The following GABBR2 variants were observed in gnomAD, a reference collection of about 807,000 sequenced individuals.
GABBR2 encodes gamma-aminobutyric acid type B receptor subunit 2.
In GABBR2, 23 loss-of-function variants were observed where a neutral mutation model predicts 105.6. The observed-to-expected ratio is 0.22, with a 90% CI of 0.16 to 0.31. The LOEUF (loss-of-function observed/expected upper bound fraction) is 0.31. GABBR2 is among the 10% of genes least tolerant of loss of function. The pLI, the probability that GABBR2 is intolerant of heterozygous loss-of-function variation, is 1.00. For synonymous variants in GABBR2, 478 were observed against 499.7 expected (o/e 0.96, Z 0.58); for missense variants, 734 against 1,245.5 (o/e 0.59, Z 6.18).
At chr9:98,509,646 G>A (rs895371433) in intron 3 of GABBR2, among the ~76,000 whole-genome samples, 4 of 152,152 alleles carry the variant, frequency 2.6e-5, no homozygotes, top group Admixed American at 6.5e-5. Flanking sequence ...TAGCCAATGC[G>A]ATCAACTGGA....
chr9:98,394,157 G>T lies in GABBR2; in HGVS notation c.1378+18C>A, dbSNP rs910829953. 11 of 1,593,742 alleles carry T rather than the reference G, an allele frequency of 6.9e-6. No homozygotes were observed. The Admixed American group carries it at 1.8e-4, about 27-fold the overall frequency. On this transcript the variant is annotated intron_variant, in intron 9 of 18. Coordinates refer to ENST00000259455, the MANE Select transcript of GABBR2 (RefSeq NM_005458.8). ...CAACTGGGCAGGCCCCCTCCTCTGA[G>T]AAGCCCACCTGCCTTACCTTGGAAC...
At chr9:98,677,410 T>C (rs1239642783) in intron 1 of GABBR2, among the ~76,000 whole-genome samples, 1 of 152,226 alleles carries the variant, frequency 6.6e-6, no homozygotes, top group Non-Finnish European at 1.5e-5. Context: ...TACAACATCT[T>C]ATAGGCATTC....
At chr9:98,613,404 C>T (rs1449739427) in intron 1 of GABBR2, among the ~76,000 whole-genome samples, 1 of 150,876 alleles carries the variant, frequency 6.6e-6, no homozygotes, top group Non-Finnish European at 1.5e-5. Context: ...TGTACCACTG[C>T]ACTCCAGCCT....
At chr9:98,357,454 T>A (rs1474114549) in intron 13 of GABBR2, among the ~76,000 whole-genome samples, 1 of 152,074 alleles carries the variant, frequency 6.6e-6, no homozygotes, top group Non-Finnish European at 1.5e-5. Context: ...TGGAGACCAG[T>A]CTAGACAACA....
At chr9:98,467,115 G>A (rs181961292) in intron 6 of GABBR2, among the ~76,000 whole-genome samples, 7 of 152,244 alleles carry the variant, frequency 4.6e-5, no homozygotes, top group African/African-American at 1.7e-4. Context: ...TTGCAATCCC[G>A]GCCATATCTA....
intron 7 of GABBR2, among the ~76,000 whole-genome samples, chr9:98,428,932 A>G (rs997421083): frequency 6.6e-6 from 1 of 152,180 alleles, no homozygotes; most frequent in Non-Finnish European, 1.5e-5. Context: ...TATCACTTGC[A>G]CCAAAAGAGT....
chr9:98,406,455 G>A (rs1027447738), intron 7 of GABBR2, among the ~76,000 whole-genome samples: 7 of 152,240 alleles, frequency 4.6e-5, no homozygotes, highest in African/African-American at 1.4e-4. Context: ...TAATGGGGAC[G>A]ACGTCTTCTG....
chr9:98,539,913 T>TAAAAAA (rs746934812), intron 3 of GABBR2, among the ~76,000 whole-genome samples: 5 of 103,654 alleles, frequency 4.8e-5, no homozygotes, highest in Admixed American at 1.0e-4. Flanking sequence ...AGACTTCGTC[T>TAAAAAA]AAAAAAAAAA....
At chr9:98,436,336 A>C (rs1825908994) in intron 7 of GABBR2, among the ~76,000 whole-genome samples, 58 of 67,050 alleles carry the variant, frequency 8.7e-4, no homozygotes, top group Non-Finnish European at 1.1e-3. Context: ...ATATATACAC[A>C]CACACACACA....
intron 18 of GABBR2, 61 bp from the exon 19 acceptor site, chr9:98,290,810 C>T (rs1361815986): frequency 8.0e-7 from 1 of 1,251,404 alleles, no homozygotes; most frequent in Non-Finnish European, 1.1e-6. Flanking sequence ...CCAGAAAGTT[C>T]CTTGGACTTG....
intron 13 of GABBR2, among the ~76,000 whole-genome samples, chr9:98,335,158 T>G (rs1245208795): frequency 6.6e-6 from 1 of 152,128 alleles, no homozygotes; most frequent in African/African-American, 2.4e-5. Flanking sequence ...CTCTCTCTCT[T>G]CCACTGGAGA....
chr9:98,327,761 C>T (rs1186757243), intron 13 of GABBR2, among the ~76,000 whole-genome samples: 3 of 151,334 alleles, frequency 2.0e-5, no homozygotes, highest in South Asian at 2.1e-4. Flanking sequence ...CCCAGCTACT[C>T]GGGAGGCTAA....
chr9:98,702,215 G>A (rs368420652), intron 1 of GABBR2, among the ~76,000 whole-genome samples: 1 of 152,122 alleles, frequency 6.6e-6, no homozygotes, highest in East Asian at 1.9e-4. Context: ...ACCCCTGCAG[G>A]GACCCTCTCT....
In GABBR2 at chr9:98,610,428, G is replaced by T. The variant is rs191230814; in HGVS notation, c.322-32356C>A. 1.6e-3 allele frequency among the ~76,000 whole-genome samples: 239 copies of T among 152,316 alleles called. 5 individuals carry two copies. Among genetic ancestry groups the T allele is most frequent in the South Asian group, 0.015 (71 of 4,816 alleles). ...GCAGCCTGCAAAAATATGCATCCAT[G>T]CCCTAACTCCTGGAACTGTGAATGC... On this transcript the variant is annotated intron_variant, in intron 1 of 18. Transcript: ENST00000259455.
chr9:98,406,904 C>T (rs930906589), intron 7 of GABBR2, among the ~76,000 whole-genome samples: 5 of 152,230 alleles, frequency 3.3e-5, no homozygotes, highest in South Asian at 2.1e-4. Flanking sequence ...TGCAGCCATA[C>T]GAGGAAATTG....
At chr9:98,479,756 GC>G (rs1826873448) in intron 5 of GABBR2, among the ~76,000 whole-genome samples, 3 of 152,276 alleles carry the variant, frequency 2.0e-5, no homozygotes, top group Admixed American at 2.0e-4. Flanking sequence ...GTGTAGACAT[GC>G]AATTTGAGGT....
intron 6 of GABBR2, among the ~76,000 whole-genome samples, chr9:98,459,327 C>T (rs1264436998): frequency 6.6e-6 from 1 of 152,166 alleles, no homozygotes. Flanking sequence ...ACAGCTAGGA[C>T]TGAGAATCCA....
chr9:98,325,790 T>C (rs573176207), intron 13 of GABBR2, among the ~76,000 whole-genome samples: 1 of 152,326 alleles, frequency 6.6e-6, no homozygotes, highest in South Asian at 2.1e-4. Context: ...GCATGGTTAA[T>C]GTCCACATTT....
intron 3 of GABBR2, among the ~76,000 whole-genome samples, chr9:98,521,581 A>C (rs1782424045): frequency 1.3e-5 from 2 of 152,218 alleles, no homozygotes; most frequent in Non-Finnish European, 2.9e-5. Flanking sequence ...GTCAGAGGCC[A>C]GGGGGATCTC....
Sources: allele counts gnomAD v4.1 joint callset (sites outside exome capture counted in the v4.1 genomes callset), GRCh38; gene constraint gnomAD v4.1.1; transcripts MANE v1.5; gene names NCBI Gene and HGNC (gene_info 2026-07-23, HGNC 2026-07-21).